EXOC4: variants seen among roughly 807,000 people sequenced by gnomAD.
The protein encoded by EXOC4 is SEC8-like 1.
EXOC4 carries 71 observed loss-of-function variants against 107.2 expected under a neutral mutation model. That is an observed-to-expected ratio of 0.66 (90% CI 0.55 to 0.81). EXOC4 has a LOEUF of 0.81. Ranked by LOEUF, EXOC4 falls within the 30% of genes least tolerant of loss-of-function variation. The probability of loss-of-function intolerance (pLI) is 0.00; values close to 1 mark genes in which losing one functional copy is unlikely to be tolerated. For synonymous variants in EXOC4, 456 were observed against 441.2 expected (o/e 1.03, Z -0.42); for missense variants, 1,108 against 1,189.6 (o/e 0.93, Z 1.01).
chr7:133,629,395 T>C (rs1356738906), intron 9 of EXOC4, among the ~76,000 whole-genome samples: 1 of 152,192 alleles, frequency 6.6e-6, no homozygotes, highest in Non-Finnish European at 1.5e-5. Context: ...CTATCCAAGA[T>C]GGACACTGGT....
intron 11 of EXOC4, among the ~76,000 whole-genome samples, chr7:133,845,216 T>G (rs1798099458): frequency 6.6e-6 from 1 of 151,940 alleles, no homozygotes; most frequent in Admixed American, 6.6e-5. Context: ...AGTTTCATGA[T>G]GCATGCACAT....
intron 12 of EXOC4, among the ~76,000 whole-genome samples, chr7:133,900,668 C>G (rs1185629761): frequency 6.6e-6 from 1 of 151,694 alleles, no homozygotes; most frequent in Non-Finnish European, 1.5e-5. Flanking sequence ...CATTAAGTGC[C>G]TGAATCAGGG....
chr7:133,617,220 AC>A (rs1188405955), intron 9 of EXOC4, among the ~76,000 whole-genome samples: 1 of 152,198 alleles, frequency 6.6e-6, no homozygotes, highest in Non-Finnish European at 1.5e-5. Context: ...AGTTAGGATT[AC>A]AAGAAAATGG....
intron 12 of EXOC4, among the ~76,000 whole-genome samples, chr7:133,909,919 A>ATTTTTTTTTTTTTTTT (rs764890539): frequency 4.0e-5 from 3 of 75,476 alleles, no homozygotes; most frequent in Admixed American, 1.8e-4. Flanking sequence ...GTTGAGACAG[A>ATTTTTTTTTTTTTTTT]TTTTTTTTTT....
intron 7 of EXOC4, among the ~76,000 whole-genome samples, chr7:133,425,427 C>T (rs1797702275): frequency 6.6e-6 from 1 of 152,076 alleles, no homozygotes; most frequent in Non-Finnish European, 1.5e-5. Flanking sequence ...GCTGGGATTA[C>T]AAGTGCACAC....
chr7:133,622,253 G>T (rs1802351955), intron 9 of EXOC4, among the ~76,000 whole-genome samples: 1 of 152,116 alleles, frequency 6.6e-6, no homozygotes, highest in Non-Finnish European at 1.5e-5. Flanking sequence ...GGAATTAAGG[G>T]CATGAGCCGT....
intron 7 of EXOC4, among the ~76,000 whole-genome samples, chr7:133,441,723 A>G (rs1215912903): frequency 6.6e-6 from 1 of 152,126 alleles, no homozygotes; most frequent in Non-Finnish European, 1.5e-5. Context: ...TTGAAGAGGC[A>G]TTTATCACTT....
intron 11 of EXOC4, among the ~76,000 whole-genome samples, chr7:133,867,013 G>T (rs2116372927): frequency 6.6e-6 from 1 of 152,302 alleles, no homozygotes; most frequent in African/African-American, 2.4e-5. Flanking sequence ...TTTTGGCTCT[G>T]CTGTGCCCTG....
At chr7:133,710,799 T>TTTTG (rs369495118) in intron 10 of EXOC4, among the ~76,000 whole-genome samples, 6 of 151,700 alleles carry the variant, frequency 4.0e-5, no homozygotes, top group Non-Finnish European at 7.4e-5. Context: ...AATTTCTTTT[T>TTTTG]TTTTGTTTTG....
chr7:134,057,205 AAGCC>A (rs1795950093), intron 17 of EXOC4, among the ~76,000 whole-genome samples: 1 of 152,184 alleles, frequency 6.6e-6, no homozygotes, highest in African/African-American at 2.4e-5. Flanking sequence ...AAGACCGAGC[AAGCC>A]TTAAAGAACA....
intron 9 of EXOC4, among the ~76,000 whole-genome samples, chr7:133,556,402 A>G (rs1338543197): frequency 6.6e-6 from 1 of 151,834 alleles, no homozygotes; most frequent in Non-Finnish European, 1.5e-5. Flanking sequence ...ACCTTTTTTC[A>G]TCTCATTTTA....
intron 10 of EXOC4, among the ~76,000 whole-genome samples, chr7:133,701,871 G>A (rs897262858): frequency 3.3e-5 from 5 of 151,998 alleles, no homozygotes; most frequent in Non-Finnish European, 7.4e-5. Context: ...AACAAAGTTT[G>A]TGTGCATTAA....
At chr7:133,462,096 A>T (rs1798607375) in intron 7 of EXOC4, among the ~76,000 whole-genome samples, 1 of 152,238 alleles carries the variant, frequency 6.6e-6, no homozygotes, top group Non-Finnish European at 1.5e-5. Flanking sequence ...ATATATTTGT[A>T]AATATGAGTT....
At chr7:133,378,604 C>T (rs917173750) in intron 7 of EXOC4, among the ~76,000 whole-genome samples, 1 of 151,926 alleles carries the variant, frequency 6.6e-6, no homozygotes, top group Non-Finnish European at 1.5e-5. Flanking sequence ...TTGTGAATTT[C>T]TTATATAATT....
At chr7:133,634,725 G>C (rs797008815) in intron 10 of EXOC4, among the ~76,000 whole-genome samples, 3 of 151,988 alleles carry the variant, frequency 2.0e-5, no homozygotes, top group Non-Finnish European at 4.4e-5. Context: ...CAGGTGATCC[G>C]CCCGCCTCGG....
chr7:133,910,849 G>T (rs7792905), intron 12 of EXOC4, among the ~76,000 whole-genome samples: 70,998 of 151,962 alleles, frequency 0.47, 17,884 homozygotes, highest in African/African-American at 0.65. Context: ...TCATGCCCTG[G>T]CTGTCACCAA....
chr7:134,059,038 G>A (rs1322267908), intron 17 of EXOC4, among the ~76,000 whole-genome samples: 3 of 152,078 alleles, frequency 2.0e-5, no homozygotes, highest in East Asian at 1.9e-4. Context: ...TTTCCATTCC[G>A]GGATCTAGGA....
chr7:133,723,402 G>A (rs141591557), intron 10 of EXOC4, among the ~76,000 whole-genome samples: 6 of 152,322 alleles, frequency 3.9e-5, no homozygotes, highest in African/African-American at 1.4e-4. Context: ...TAAAACAAGA[G>A]AAATGGTATA....
At chr7:133,799,390 C>T (rs1796885508) in intron 10 of EXOC4, among the ~76,000 whole-genome samples, 1 of 152,208 alleles carries the variant, frequency 6.6e-6, no homozygotes, top group African/African-American at 2.4e-5. Context: ...GGGACACATT[C>T]TCATCGAGTG....
Sources: gnomAD v4.1 joint callset for allele counts (sites outside exome capture counted in the v4.1 genomes callset) on GRCh38, gnomAD v4.1.1 for gene constraint, MANE v1.5 for transcripts, NCBI Gene and HGNC (gene_info 2026-07-23, HGNC 2026-07-21) for gene names.